Variants in CTNND1 observed in about 807,000 individuals in gnomAD.
The protein encoded by CTNND1 is catenin delta 1, also known as catenin delta-1.
Under a neutral mutation model 112.1 loss-of-function variants are expected in CTNND1, and 16 were observed. The observed-to-expected ratio is 0.14, with a 90% CI of 0.10 to 0.22. CTNND1 has a LOEUF of 0.22. CTNND1 is among the 10% of genes least tolerant of loss of function. CTNND1 has a pLI of 1.00. For missense variants in CTNND1, 1,008 were observed against 1,257.0 expected (o/e 0.80, Z 3.00); for synonymous variants, 420 against 446.5 (o/e 0.94, Z 0.75).
At position 57,806,445 on chromosome 11, in the gene CTNND1, GGT is replaced by G; in HGVS notation, c.1877-14_1877-13del. 1 of 1,599,302 alleles carries G rather than the reference GGT, an allele frequency of 6.3e-7. No individual in the cohort carries two copies. Among genetic ancestry groups the G allele is most frequent in the Non-Finnish European group, 8.5e-7 (1 of 1,171,620 alleles). ...TTTCTCTTCTCTGCTTTCTACCTTG[GGT>G]GATGCACTGGAAGATGAGTGGTTCT... is the stretch of plus-strand genomic sequence containing the variant. On this transcript the variant is annotated splice_polypyrimidine_tract_variant and intron_variant, in intron 10 of 20. Transcript: ENST00000399050.
At chr11:57,808,955 A>G (rs1257526839) in intron 14 of CTNND1, among the ~76,000 whole-genome samples, 1 of 152,190 alleles carries the variant, frequency 6.6e-6, no homozygotes, top group African/African-American at 2.4e-5. Flanking sequence ...TAAATTCATA[A>G]TAACTCTTCT....
At chr11:57,814,095 A>G (rs897902945) in intron 17 of CTNND1, 3 of 499,634 alleles carry the variant, frequency 6.0e-6, no homozygotes, top group African/African-American at 5.9e-5. Context: ...TGGGAGAATC[A>G]CTTGAGCCCA....
chr11:57,816,497 T>C lies in CTNND1; in HGVS notation c.*189T>C. ...CTTCTTCCTGTGAAGTTTAATTGTC[T>C]CAACGCCTCCCCCTCCCCCATTCCC... is the stretch of plus-strand genomic sequence containing the variant. On this transcript the variant is annotated 3_prime_UTR_variant, in exon 21 of 21. Transcript: ENST00000399050. 3.1e-6 allele frequency: 2 copies of C among 644,794 alleles called. No individual in the cohort carries two copies. The highest frequency in any genetic ancestry group is 2.7e-6 in the Non-Finnish European group (1 of 367,106). 39.9% of individuals were successfully genotyped at this position (644,794 alleles called of 1,614,324 possible).
intron 1 of CTNND1, among the ~76,000 whole-genome samples, chr11:57,770,066 T>C (rs1361624650): frequency 6.6e-6 from 1 of 152,108 alleles, no homozygotes; most frequent in Non-Finnish European, 1.5e-5. Context: ...TGGTGGTTCA[T>C]GCCTGTAATC....
intron 1 of CTNND1, among the ~76,000 whole-genome samples, chr11:57,769,172 G>T (rs1951905297): frequency 6.6e-6 from 1 of 151,870 alleles, no homozygotes. Flanking sequence ...AAAATTAGCT[G>T]GGCATGGTGG....
intron 1 of CTNND1, chr11:57,781,727 G>A (rs1178265779): frequency 6.5e-6 from 1 of 152,684 alleles, no homozygotes; most frequent in Non-Finnish European, 1.5e-5. Context: ...GAGGCACATG[G>A]ATAATGGGGG....
At chr11:57,790,140 G>A (rs752280607) in intron 2 of CTNND1, among the ~76,000 whole-genome samples, 15 of 152,070 alleles carry the variant, frequency 9.9e-5, no homozygotes, top group South Asian at 2.1e-4. Flanking sequence ...GGAGTGCAGC[G>A]GTGCCATCTC....
At chr11:57,798,301 C>T (rs2061591637) in intron 6 of CTNND1, among the ~76,000 whole-genome samples, 1 of 148,444 alleles carries the variant, frequency 6.7e-6, no homozygotes, top group East Asian at 2.0e-4. Flanking sequence ...GAGCCGAGAT[C>T]CCGCCACTGC....
chr11:57,791,650 G>A lies in CTNND1; in HGVS notation c.172G>A (p.Gly58Ser), dbSNP rs1170772564. The change falls in exon 3 of 21, where the codon GGC (glycine) becomes AGC (serine). Residue 58 changes from glycine (G) to serine (S), a missense_variant. Gly to Ser is a moderately conservative substitution (Grantham distance 56). Transcript: ENST00000399050. The part of the protein sequence containing the change: ...PQDANPLMAN[G>S]TLTRRHQNGR... ...AGATGCCAACCCACTCATGGCCAACGGCACACTCACCCGCCGGCATCAGGT... is the reference window on the plus strand; with the variant it reads ...AGATGCCAACCCACTCATGGCCAACAGCACACTCACCCGCCGGCATCAGGT... The A allele has an allele frequency of 1.3e-6, 2 of 1,581,968 alleles. No individual in the cohort carries two copies. Among genetic ancestry groups the A allele is most frequent in the Non-Finnish European group, 1.7e-6 (2 of 1,160,432 alleles).
At chr11:57,762,862 G>C (rs907099133) in intron 1 of CTNND1, among the ~76,000 whole-genome samples, 1 of 152,170 alleles carries the variant, frequency 6.6e-6, no homozygotes, top group Admixed American at 6.5e-5. Flanking sequence ...TGTTTAAAGG[G>C]ATAAGGAAAT....
intron 1 of CTNND1, among the ~76,000 whole-genome samples, chr11:57,780,904 TAGATTGAA>T (rs1210219328): frequency 6.6e-6 from 1 of 152,196 alleles, no homozygotes; most frequent in Non-Finnish European, 1.5e-5. Context: ...GGGAATGCCA[TAGATTGAA>T]AGTTTGGTGA....
intron 7 of CTNND1, 56 bp from the exon 8 acceptor site, chr11:57,803,565 C>A: frequency 2.2e-6 from 3 of 1,381,692 alleles, no homozygotes; most frequent in East Asian, 2.4e-5. Flanking sequence ...CTTTGACGTT[C>A]TTCAGACATA....
intron 17 of CTNND1, among the ~76,000 whole-genome samples, chr11:57,812,300 A>T (rs1364493757): frequency 6.6e-6 from 1 of 152,142 alleles, no homozygotes; most frequent in East Asian, 1.9e-4. Context: ...CGGGCAGATC[A>T]CCTGAGGTCA....
intron 6 of CTNND1, among the ~76,000 whole-genome samples, chr11:57,798,632 C>A (rs970567935): frequency 6.6e-6 from 1 of 152,130 alleles, no homozygotes; most frequent in African/African-American, 2.4e-5. Flanking sequence ...TCTGACTTTA[C>A]TACTTGTTCC....
At chr11:57,815,666 G>A (rs544869143) in intron 19 of CTNND1, 166 bp downstream of exon 19, 12 of 809,190 alleles carry the variant, frequency 1.5e-5, no homozygotes, top group Admixed American at 1.0e-4. Context: ...TTCTTGGGCC[G>A]TTATTCTGCA....
At chr11:57,787,231 T>C (rs2060236139) in intron 1 of CTNND1, among the ~76,000 whole-genome samples, 1 of 152,218 alleles carries the variant, frequency 6.6e-6, no homozygotes, top group South Asian at 2.1e-4. Flanking sequence ...AATGATGTGA[T>C]GACTTCCAGG....
chr11:57,804,832 A>G (rs2062445872), intron 9 of CTNND1, 52 bp downstream of exon 9: 15 of 1,329,446 alleles, frequency 1.1e-5, no homozygotes, highest in Non-Finnish European at 1.5e-5. Flanking sequence ...CACCACAACT[A>G]TGAAGTATCT....
At chr11:57,806,391 C>A in intron 10 of CTNND1, 70 bp from the exon 11 acceptor site, 1 of 1,380,058 alleles carries the variant, frequency 7.2e-7, no homozygotes, top group South Asian at 1.2e-5. Flanking sequence ...ATTCTGCTGA[C>A]ATCTTTCTCC....
chr11:57,801,853 A>T lies in CTNND1; in HGVS notation c.1077A>T (p.Pro359=), dbSNP rs538585093. The change falls in exon 7 of 21, where the codon CCA becomes CCT. Residue 359 remains proline, a synonymous_variant. Coordinates refer to ENST00000399050, the MANE Select transcript of CTNND1 (RefSeq NM_001085458.2). ...SLDSLRKGGP[P]PPNWRQPELP... is the part of the protein sequence containing the mutation. ...ATAGCCTGCGCAAAGGAGGGCCTCC[A>T]CCTCCTAATTGGAGACAGCCAGAGC... 1 of 1,613,960 alleles carries T rather than the reference A, an allele frequency of 6.2e-7. No individual in the cohort carries two copies. Among genetic ancestry groups the T allele is most frequent in the Non-Finnish European group, 8.5e-7 (1 of 1,179,890 alleles).
Sources: allele counts gnomAD v4.1 joint callset (sites outside exome capture counted in the v4.1 genomes callset), GRCh38; gene constraint gnomAD v4.1.1; transcripts MANE v1.5; gene names NCBI Gene and HGNC (gene_info 2026-07-23, HGNC 2026-07-21).